Variants in OPA3 observed in about 807,000 individuals in gnomAD.
The protein encoded by OPA3 is outer mitochondrial membrane lipid metabolism regulator OPA3, also known as optic atrophy 3 protein.
OPA3 carries 6 observed loss-of-function variants against 4.0 expected under a neutral mutation model. That is an observed-to-expected ratio of 1.51 (90% CI 0.83 to 2.99). OPA3 has a LOEUF of 2.99. Ranked by LOEUF, OPA3 falls within the 30% of genes most tolerant of loss-of-function variation. OPA3 has a pLI of 0.00. For synonymous variants in OPA3, 105 were observed against 117.1 expected (o/e 0.90, Z 0.67); for missense variants, 235 against 256.2 (o/e 0.92, Z 0.56).
chr19:45,571,602 C>T (rs1400408874), intron 1 of OPA3, among the ~76,000 whole-genome samples: 3 of 152,154 alleles, frequency 2.0e-5, no homozygotes, highest in African/African-American at 7.2e-5. Context: ...TGATGTGACG[C>T]TCTGGTGATT....
rs7246349 is a variant in OPA3 at position 45,553,242 on chromosome 19, C to T, written c.*272G>A. ...ATTTTTTCATTTGCCAGAGTGCCCACGGTGTCCTGCTGGCTGGGACCTTGC... is the reference window on the plus strand; with the variant it reads ...ATTTTTTCATTTGCCAGAGTGCCCATGGTGTCCTGCTGGCTGGGACCTTGC... On this transcript the variant is annotated 3_prime_UTR_variant, in exon 2 of 2. Coordinates refer to ENST00000263275, the MANE Select transcript of OPA3 (RefSeq NM_025136.4). 9.8e-3 allele frequency: 13,801 copies of T among 1,409,018 alleles called. 1,133 individuals are homozygous for T. In the African/African-American group the frequency reaches 0.18, roughly 18 times the overall value. The allele number at this position is 1,409,018 out of a possible 1,614,324, so 87.3% of individuals were successfully genotyped here.
At chr19:45,566,048 A>G (rs548656810) in intron 1 of OPA3, among the ~76,000 whole-genome samples, 2 of 152,346 alleles carry the variant, frequency 1.3e-5, no homozygotes, top group East Asian at 3.9e-4. Flanking sequence ...CTTTAGGAAA[A>G]TATTAGCAAA....
chr19:45,541,695 G>A (rs930815621), downstream of OPA3, among the ~76,000 whole-genome samples: 3 of 152,080 alleles, frequency 2.0e-5, no homozygotes, highest in Admixed American at 2.0e-4. Flanking sequence ...CTCCTGAGTA[G>A]CTGGGACTAT....
At chr19:45,573,884 T>C (rs980240891) in intron 1 of OPA3, among the ~76,000 whole-genome samples, 31 of 152,190 alleles carry the variant, frequency 2.0e-4, no homozygotes, top group African/African-American at 6.8e-4. Context: ...GGATTCCGGC[T>C]GGGTGCGGTG....
At chr19:45,566,916 C>T (rs1265602132) in intron 1 of OPA3, among the ~76,000 whole-genome samples, 1 of 152,062 alleles carries the variant, frequency 6.6e-6, no homozygotes, top group African/African-American at 2.4e-5. Context: ...GTTCATAGCA[C>T]CTTTACTTGC....
At chr19:45,572,600 T>TA (rs1383807749) in intron 1 of OPA3, among the ~76,000 whole-genome samples, 2 of 97,100 alleles carry the variant, frequency 2.1e-5, no homozygotes, top group African/African-American at 6.5e-5. Flanking sequence ...TATATATTGA[T>TA]ATATATCATA....
intron 1 of OPA3, among the ~76,000 whole-genome samples, chr19:45,577,306 G>A (rs1164760602): frequency 6.6e-6 from 1 of 152,298 alleles, no homozygotes; most frequent in East Asian, 1.9e-4. Context: ...CTCAGCCAAA[G>A]GTACAGATAC....
chr19:45,539,250 G>A (rs12974604), intron 1 of OPA3, among the ~76,000 whole-genome samples: 4,109 of 152,140 alleles, frequency 0.027, 85 homozygotes, highest in Middle Eastern at 0.048. Context: ...TGTCACTGGC[G>A]GAAATGTAAA....
intron 1 of OPA3, among the ~76,000 whole-genome samples, chr19:45,529,831 A>G (rs1182501594): frequency 6.6e-6 from 1 of 152,168 alleles, no homozygotes; most frequent in Non-Finnish European, 1.5e-5. Context: ...CCTGGGCTCA[A>G]GCGATCCTCC....
At chr19:45,535,255 A>G (rs1969102897) in intron 1 of OPA3, among the ~76,000 whole-genome samples, 2 of 152,016 alleles carry the variant, frequency 1.3e-5, no homozygotes, top group African/African-American at 2.4e-5. Flanking sequence ...ATATTTTGAT[A>G]CTATTTTGAT....
intron 1 of OPA3, among the ~76,000 whole-genome samples, chr19:45,533,358 C>A (rs1969080768): frequency 1.3e-5 from 2 of 151,768 alleles, no homozygotes; most frequent in South Asian, 2.1e-4. Flanking sequence ...CTATGCCCGG[C>A]TAATATTTTG....
chr19:45,568,085 G>T (rs985150715), intron 1 of OPA3, among the ~76,000 whole-genome samples: 1 of 152,086 alleles, frequency 6.6e-6, no homozygotes, highest in Non-Finnish European at 1.5e-5. Flanking sequence ...TACAACCTGA[G>T]CCTCCAAAGG....
intron 1 of OPA3, among the ~76,000 whole-genome samples, chr19:45,569,492 G>C (rs1230921413): frequency 6.6e-6 from 1 of 152,070 alleles, no homozygotes; most frequent in Admixed American, 6.6e-5. Flanking sequence ...AACAACTTCA[G>C]TGCGTCTGAT....
intron 1 of OPA3, among the ~76,000 whole-genome samples, chr19:45,576,758 C>A (rs745672571): frequency 1.3e-5 from 2 of 152,192 alleles, no homozygotes; most frequent in African/African-American, 2.4e-5. Flanking sequence ...TTGCCTCCCT[C>A]TTTCCCTTAT....
At chr19:45,572,669 G>GT (rs1969700343) in intron 1 of OPA3, among the ~76,000 whole-genome samples, 2 of 109,726 alleles carry the variant, frequency 1.8e-5, no homozygotes, top group Non-Finnish European at 4.0e-5. Context: ...ATATCTATAT[G>GT]AGATATATAT....
chr19:45,535,265 T>C (rs1969102969), intron 1 of OPA3, among the ~76,000 whole-genome samples: 1 of 152,230 alleles, frequency 6.6e-6, no homozygotes, highest in African/African-American at 2.4e-5. Context: ...ACTATTTTGA[T>C]GGCAACATTT....
At position 45,551,766 on chromosome 19, in the gene OPA3, GTAC is replaced by G. The variant is rs1438766857; in HGVS notation, c.*1745_*1747del. 1 of 985,396 alleles carries G rather than the reference GTAC, an allele frequency of 1.0e-6. No individual in the cohort carries two copies. Among genetic ancestry groups the G allele is most frequent in the African/African-American group, 1.7e-5 (1 of 57,220 alleles). 61.0% of individuals were successfully genotyped at this position (985,396 alleles called of 1,614,324 possible). ...GACCGGGGGCTATGGAGGCAGGAGG[GTAC>G]TGCTACATGAAGACAGGCTGTCGGG... On this transcript the variant is annotated 3_prime_UTR_variant, in exon 2 of 2. Coordinates refer to ENST00000263275, the MANE Select transcript of OPA3 (RefSeq NM_025136.4).
At chr19:45,571,234 C>G (rs1028161700) in intron 1 of OPA3, among the ~76,000 whole-genome samples, 1 of 152,254 alleles carries the variant, frequency 6.6e-6, no homozygotes, top group South Asian at 2.1e-4. Flanking sequence ...ACCTCCACCT[C>G]CCGGGTTCAA....
At chr19:45,527,577 A>G (rs1356760664) in exon 2 of OPA3, 1 of 150,910 alleles carries the variant, frequency 6.6e-6, no homozygotes, top group Non-Finnish European at 1.5e-5. Flanking sequence ...CCTAGCTAAT[A>G]TTTTCATTTT....
Sources: gnomAD v4.1 joint callset for allele counts (sites outside exome capture counted in the v4.1 genomes callset) on GRCh38, gnomAD v4.1.1 for gene constraint, MANE v1.5 for transcripts, NCBI Gene and HGNC (gene_info 2026-07-23, HGNC 2026-07-21) for gene names.